Variants in PTPN13 observed in about 807,000 individuals in gnomAD.
PTPN13 encodes the protein protein tyrosine phosphatase non-receptor type 13.
In PTPN13, 191 loss-of-function variants were observed where a neutral mutation model predicts 284.0. The ratio of observed to expected loss-of-function variants is 0.67; its 90% CI spans 0.60 to 0.76. The LOEUF is 0.76. PTPN13 is among the 30% of genes least tolerant of loss of function. The probability of loss-of-function intolerance (pLI) is 0.00; values close to 1 mark genes in which losing one functional copy is unlikely to be tolerated. For missense variants in PTPN13, 2,797 were observed against 2,939.9 expected (o/e 0.95, Z 1.12); for synonymous variants, 986 against 1,022.3 (o/e 0.96, Z 0.68).
intron 3 of PTPN13, among the ~76,000 whole-genome samples, chr4:86,676,500 C>T (rs951541623): frequency 2.6e-5 from 4 of 152,262 alleles, no homozygotes; most frequent in East Asian, 1.9e-4. Context: ...CCAGCAACTC[C>T]ACTTCTGAGT....
At chr4:86,781,939 G>A (rs1398830133) in intron 36 of PTPN13, among the ~76,000 whole-genome samples, 1 of 149,792 alleles carries the variant, frequency 6.7e-6, no homozygotes, top group African/African-American at 2.5e-5. Flanking sequence ...CTCCAGCCTG[G>A]CAACAGAGCA....
At chr4:86,677,203 C>T (rs1654651016) in intron 3 of PTPN13, among the ~76,000 whole-genome samples, 1 of 151,874 alleles carries the variant, frequency 6.6e-6, no homozygotes, top group East Asian at 2.0e-4. Context: ...GGAGGCAGAG[C>T]TTGCAGTGAG....
chr4:86,725,514 C>T lies in PTPN13; in HGVS notation c.1608+3080C>T, dbSNP rs1396739092. On this transcript the variant is annotated intron_variant, in intron 10 of 47. Transcript: ENST00000411767. ...GACTTTTTAATGATTGCTTTTCTAA[C>T]TGGCATGAGATGGTATCTCATTGTG... 2.0e-5 allele frequency among the ~76,000 whole-genome samples: 3 copies of T among 149,690 alleles called. No individual in the cohort carries two copies. In the Admixed American group the frequency reaches 2.0e-4, roughly 10 times the overall value.
At chr4:86,767,258 T>A (rs1413724561) in intron 27 of PTPN13, among the ~76,000 whole-genome samples, 1 of 149,922 alleles carries the variant, frequency 6.7e-6, no homozygotes, top group African/African-American at 2.5e-5. Flanking sequence ...TTTTTTTTTT[T>A]AATTGAGATG....
intron 23 of PTPN13, 31 bp from the exon 24 acceptor site, chr4:86,762,696 G>C: frequency 2.0e-6 from 3 of 1,493,138 alleles, no homozygotes; most frequent in Non-Finnish European, 2.8e-6. Flanking sequence ...TCACTAACTT[G>C]TTACTCTCAT....
intron 7 of PTPN13, among the ~76,000 whole-genome samples, chr4:86,705,931 G>T (rs1028887880): frequency 6.6e-6 from 1 of 152,028 alleles, no homozygotes; most frequent in Non-Finnish European, 1.5e-5. Context: ...TTCTAGGAGG[G>T]TTATTGAGTT....
chr4:86,676,776 A>G (rs987214027), intron 3 of PTPN13, among the ~76,000 whole-genome samples: 2 of 152,356 alleles, frequency 1.3e-5, no homozygotes, highest in Middle Eastern at 6.8e-3. Flanking sequence ...GACAAATACT[A>G]TGTGATTCCA....
intron 1 of PTPN13, among the ~76,000 whole-genome samples, chr4:86,612,256 A>G (rs1422928278): frequency 1.3e-5 from 2 of 152,252 alleles, no homozygotes; most frequent in Non-Finnish European, 2.9e-5. Flanking sequence ...AAGAAGCAGG[A>G]AAATATGATC....
At chr4:86,669,285 G>GTGTA (rs1554303106) in intron 2 of PTPN13, among the ~76,000 whole-genome samples, 11 of 113,342 alleles carry the variant, frequency 9.7e-5, no homozygotes, top group Non-Finnish European at 1.1e-4. Context: ...GGAAGAAGAT[G>GTGTA]TATATATATA....
rs1008389513 is a variant in PTPN13, at chr4:86,716,548, A to G, written c.1214A>G (p.Lys405Arg). Reference protein sequence around the residue: ...MNVEEPVRRYKTYHGDVFSTS... With the variant: ...MNVEEPVRRYRTYHGDVFSTS... ...CTTTTAGAACCAGTTCGAAGATACA[A>G]AACTTATCATGGTGATGTCTTTAGT... Residue 405 changes from lysine to arginine, a missense_variant, in exon 8 of 48, where the codon AAA (lysine) becomes AGA (arginine). Transcript: ENST00000411767. The G allele has an allele frequency of 2.5e-6, 4 of 1,590,676 alleles. No homozygotes were observed. Among genetic ancestry groups the G allele is most frequent in the Non-Finnish European group, 2.6e-6 (3 of 1,168,976 alleles).
intron 23 of PTPN13, among the ~76,000 whole-genome samples, chr4:86,759,977 G>A (rs1738476950): frequency 6.6e-6 from 1 of 152,034 alleles, no homozygotes; most frequent in African/African-American, 2.4e-5. Context: ...AAAATTAGCT[G>A]AAAAACAATT....
At chr4:86,726,413 A>G (rs1423244754) in intron 10 of PTPN13, among the ~76,000 whole-genome samples, 3 of 149,358 alleles carry the variant, frequency 2.0e-5, no homozygotes, top group Non-Finnish European at 4.5e-5. Flanking sequence ...TTTGGGCAGT[A>G]TGGCCATTTT....
At chr4:86,650,532 G>A (rs1347389225) in intron 2 of PTPN13, among the ~76,000 whole-genome samples, 3 of 152,058 alleles carry the variant, frequency 2.0e-5, no homozygotes, top group Non-Finnish European at 4.4e-5. Context: ...CTATCCACCT[G>A]CCTCAGACTA....
rs746582499 is a variant in PTPN13, at chr4:86,735,751, G to A, written c.2304+5G>A. On this transcript the variant is annotated splice_donor_5th_base_variant and intron_variant, in intron 15 of 47. Transcript: ENST00000411767. ...ACAGAGTTAGAATTTTTAAAGGTAA[G>A]CATCCAAGATTACAAATGATAAGCT... The A allele has an allele frequency of 9.3e-6, 15 of 1,606,094 alleles. No individual in the cohort carries two copies. The highest frequency in any genetic ancestry group is 5.4e-5 in the African/African-American group (4 of 74,436).
chr4:86,710,814 C>CA (rs201524105), intron 7 of PTPN13, among the ~76,000 whole-genome samples: 1,590 of 152,046 alleles, frequency 0.01, 15 homozygotes, highest in Non-Finnish European at 0.016. Flanking sequence ...CTCATTCTGA[C>CA]AAAAAATAGT....
rs554739987 is a variant in PTPN13, at chr4:86,743,961, T to TACA, written c.2488-1005_2488-1004insACA. Among the ~76,000 whole-genome samples, 262 of 152,308 alleles carry TACA rather than the reference T, an allele frequency of 1.7e-3. 3 individuals are homozygous for TACA. The highest frequency in any genetic ancestry group is 6.1e-3 in the African/African-American group (252 of 41,584). ...CATTAGTCTTAGATCCCCGACATGT[T>TACA]GAACACTGGTCTCTTAAGGCATGGG... is the stretch of plus-strand genomic sequence containing the variant. On this transcript the variant is annotated intron_variant, in intron 16 of 47. Coordinates refer to ENST00000411767, the MANE Select transcript of PTPN13 (RefSeq NM_080683.3).
At chr4:86,767,152 G>C (rs557957724) in intron 27 of PTPN13, among the ~76,000 whole-genome samples, 99 of 151,666 alleles carry the variant, frequency 6.5e-4, no homozygotes, top group Non-Finnish European at 1.3e-3. Flanking sequence ...TGCTGGTCTC[G>C]AACTCCTAGA....
intron 7 of PTPN13, among the ~76,000 whole-genome samples, chr4:86,703,751 TC>T (rs1731421503): frequency 1.3e-5 from 2 of 152,054 alleles, no homozygotes; most frequent in African/African-American, 4.8e-5. Context: ...CACCTGTAGT[TC>T]CAGCTACTCA....
chr4:86,783,548 C>G (rs116155192), intron 37 of PTPN13, among the ~76,000 whole-genome samples: 14 of 150,938 alleles, frequency 9.3e-5, no homozygotes, highest in African/African-American at 3.4e-4. Flanking sequence ...CAGGAAGTCT[C>G]CCAAACAATA....
Sources: allele counts gnomAD v4.1 joint callset (sites outside exome capture counted in the v4.1 genomes callset), GRCh38; gene constraint gnomAD v4.1.1; transcripts MANE v1.5; gene names NCBI Gene and HGNC (gene_info 2026-07-23, HGNC 2026-07-21).